Variants in MAP4K5 observed in about 807,000 individuals in gnomAD.
MAP4K5 encodes the protein MAPK/ERK kinase kinase kinase 5.
In MAP4K5, 82 loss-of-function variants were observed where a neutral mutation model predicts 135.6. The ratio of observed to expected loss-of-function variants is 0.60; its 90% CI spans 0.51 to 0.73. MAP4K5 has a LOEUF of 0.73. Ranked by LOEUF, MAP4K5 falls within the 30% of genes least tolerant of loss-of-function variation. MAP4K5 has a pLI of 0.00. For synonymous variants in MAP4K5, 347 were observed against 335.0 expected (o/e 1.04, Z -0.39); for missense variants, 907 against 1,010.9 (o/e 0.90, Z 1.39).
chr14:50,504,876 C>T lies in MAP4K5; in HGVS notation c.109-19G>A. On this transcript the variant is annotated intron_variant, in intron 2 of 32. Coordinates refer to ENST00000682126, the MANE Select transcript of MAP4K5 (RefSeq NM_006575.6). ...TTCTGGCCTAAAAATAAAATAAAAA[C>T]AAAAATCTTGTTAATTAAAAGCTTG... 1 of 1,501,260 alleles carries T rather than the reference C, an allele frequency of 6.7e-7. No homozygotes were observed. The highest frequency in any genetic ancestry group is 8.9e-7 in the Non-Finnish European group (1 of 1,119,450). 93.0% of individuals were successfully genotyped at this position (1,501,260 alleles called of 1,614,324 possible).
chr14:50,492,586 C>T (rs1196151206), intron 3 of MAP4K5, among the ~76,000 whole-genome samples: 15 of 58,558 alleles, frequency 2.6e-4, no homozygotes, highest in Non-Finnish European at 4.9e-4. Context: ...AGCAAGACCC[C>T]ATCTCAAAAA....
At chr14:50,462,173 G>T (rs2036725243) in intron 13 of MAP4K5, among the ~76,000 whole-genome samples, 1 of 152,174 alleles carries the variant, frequency 6.6e-6, no homozygotes, top group Non-Finnish European at 1.5e-5. Context: ...ATGCATATGT[G>T]TTGTGGCTAC....
chr14:50,452,105 C>A (rs780003159), intron 14 of MAP4K5, among the ~76,000 whole-genome samples: 1 of 152,088 alleles, frequency 6.6e-6, no homozygotes, highest in Admixed American at 6.6e-5. Flanking sequence ...GTATTCTGAG[C>A]GTGTTTAAGC....
intron 3 of MAP4K5, among the ~76,000 whole-genome samples, chr14:50,501,925 A>G (rs1174222881): frequency 6.6e-6 from 1 of 152,180 alleles, no homozygotes; most frequent in Non-Finnish European, 1.5e-5. Context: ...CCTATCCTCT[A>G]GAACAGAGCT....
chr14:50,555,617 C>T (rs2038756692), intron 1 of MAP4K5, among the ~76,000 whole-genome samples: 3 of 152,100 alleles, frequency 2.0e-5, no homozygotes, highest in Non-Finnish European at 2.9e-5. Context: ...CGGTATTATC[C>T]CTGGATGGCT....
Position 50,434,946 on chromosome 14 carries a change from AC to A in MAP4K5, c.1986+15del. The stretch of plus-strand genomic sequence containing the variant: ...TGTTTTCTAAAGGAAAAAAATGTGA[AC>A]AAAATAATATATACCTTTATCAACA... On this transcript the variant is annotated intron_variant, in intron 27 of 32. Transcript: ENST00000682126. 2 of 1,537,506 alleles carry A rather than the reference AC, an allele frequency of 1.3e-6. No homozygotes were observed. Among genetic ancestry groups the A allele is most frequent in the Middle Eastern group, 4.2e-4 (2 of 4,774 alleles).
chr14:50,530,143 AT>A (rs2140122359), intron 2 of MAP4K5, among the ~76,000 whole-genome samples: 1 of 152,306 alleles, frequency 6.6e-6, no homozygotes, highest in African/African-American at 2.4e-5. Flanking sequence ...AGGAAGCAAC[AT>A]TGTGAGGGTA....
intron 14 of MAP4K5, among the ~76,000 whole-genome samples, chr14:50,454,596 C>T (rs1456166829): frequency 1.3e-5 from 2 of 151,966 alleles, no homozygotes; most frequent in Admixed American, 6.6e-5. Context: ...ATAAAGTGAC[C>T]TTCTACTCTA....
intron 13 of MAP4K5, among the ~76,000 whole-genome samples, chr14:50,457,940 C>G (rs2036626416): frequency 6.6e-6 from 1 of 152,172 alleles, no homozygotes; most frequent in South Asian, 2.1e-4. Context: ...AAATGCCAAT[C>G]CTGGATAAAC....
chr14:50,550,866 C>A (rs920469168), intron 1 of MAP4K5, among the ~76,000 whole-genome samples: 2 of 152,136 alleles, frequency 1.3e-5, no homozygotes, highest in African/African-American at 4.8e-5. Context: ...AGTGACACAA[C>A]TTATCAAAAC....
At chr14:50,437,561 A>G in intron 25 of MAP4K5, 27 bp from the exon 26 acceptor site, 1 of 1,455,748 alleles carries the variant, frequency 6.9e-7, no homozygotes, top group Non-Finnish European at 9.5e-7. Context: ...ATATAAATGC[A>G]CTCTACAGTA....
chr14:50,495,417 T>C (rs2037571282), intron 3 of MAP4K5, among the ~76,000 whole-genome samples: 1 of 151,948 alleles, frequency 6.6e-6, no homozygotes, highest in Admixed American at 6.6e-5. Context: ...AAGCAGAAAA[T>C]AAAACTGGTT....
At chr14:50,495,312 C>T (rs534958954) in intron 3 of MAP4K5, among the ~76,000 whole-genome samples, 13 of 152,216 alleles carry the variant, frequency 8.5e-5, no homozygotes, top group African/African-American at 2.6e-4. Context: ...CCAATAAGCA[C>T]ATAAAAACAT....
At chr14:50,461,498 G>C (rs953377736) in intron 13 of MAP4K5, among the ~76,000 whole-genome samples, 2 of 152,078 alleles carry the variant, frequency 1.3e-5, no homozygotes, top group African/African-American at 4.8e-5. Context: ...CATAAAAGGA[G>C]AAGAAGGAAC....
chr14:50,497,394 C>T (rs974860589), intron 3 of MAP4K5, among the ~76,000 whole-genome samples: 12 of 152,184 alleles, frequency 7.9e-5, no homozygotes, highest in Non-Finnish European at 1.3e-4. Flanking sequence ...ACTGTCCAAA[C>T]AGTGAAGACA....
rs1345991410 is a variant in MAP4K5, at chr14:50,438,008, C to T, written c.1709G>A (p.Gly570Glu). The T allele has an allele frequency of 6.5e-7, 1 of 1,536,748 alleles. No individual in the cohort carries two copies. Among genetic ancestry groups the T allele is most frequent in the Admixed American group, 1.7e-5 (1 of 59,378 alleles). ...GTGAGAGTAGAGCTGAAAGGTTTTT[C>T]CTATAAAAGAAAAACATGTTACCTT... Reference protein sequence around the residue: ...INNTLMSLSEGKTFQLYSHNL... With the variant: ...INNTLMSLSEEKTFQLYSHNL... Residue 570 changes from glycine (G) to glutamate (E), a missense_variant and splice_region_variant, in exon 25 of 33, where the codon GGA (glycine) becomes GAA (glutamate). Gly to Glu is a moderately conservative substitution (Grantham distance 98). This residue lies in a region of MAP4K5 where 690 missense variants were observed against 777.4 expected (regional missense o/e 0.89). Transcript: ENST00000682126.
intron 13 of MAP4K5, among the ~76,000 whole-genome samples, chr14:50,459,365 A>G (rs897419856): frequency 3.3e-5 from 5 of 151,976 alleles, no homozygotes; most frequent in African/African-American, 9.7e-5. Context: ...TCTTCATCCA[A>G]TCATTAACTC....
chr14:50,514,907 CTTTT>C (rs11307400), intron 2 of MAP4K5, among the ~76,000 whole-genome samples: 2 of 138,242 alleles, frequency 1.4e-5, no homozygotes, highest in Non-Finnish European at 1.6e-5. Context: ...CATCCTTATT[CTTTT>C]TTTTTTTTTT....
At chr14:50,551,416 A>G (rs1595572598) in intron 1 of MAP4K5, among the ~76,000 whole-genome samples, 1 of 152,124 alleles carries the variant, frequency 6.6e-6, no homozygotes, top group Non-Finnish European at 1.5e-5. Context: ...TCAGGATCAG[A>G]TGGAGTCACA....
Sources: gnomAD v4.1 joint callset for allele counts (sites outside exome capture counted in the v4.1 genomes callset) on GRCh38, gnomAD v4.1.1 for gene constraint, gnomAD v4.1.1 regional missense constraint, MANE v1.5 for transcripts, NCBI Gene and HGNC (gene_info 2026-07-23, HGNC 2026-07-21) for gene names.